CNOT6: variants seen among roughly 807,000 people sequenced by gnomAD.
CNOT6 encodes CCR4-NOT transcription complex subunit 6, also known as carbon catabolite repression 4 protein.
In CNOT6, 12 loss-of-function variants were observed where a neutral mutation model predicts 61.2. That is an observed-to-expected ratio of 0.20 (90% CI 0.13 to 0.32). CNOT6 has a LOEUF of 0.32. CNOT6 is among the 10% of genes least tolerant of loss of function. The pLI is 1.00. For synonymous variants in CNOT6, 225 were observed against 240.6 expected (o/e 0.94, Z 0.60); for missense variants, 405 against 663.9 (o/e 0.61, Z 4.28).
At chr5:180,564,921 C>T (rs1214489374) in intron 6 of CNOT6, among the ~76,000 whole-genome samples, 178 bp downstream of exon 6, 1 of 152,218 alleles carries the variant, frequency 6.6e-6, no homozygotes, top group East Asian at 1.9e-4. Flanking sequence ...CTACATTGTG[C>T]TATATAGAAA....
intron 2 of CNOT6, among the ~76,000 whole-genome samples, chr5:180,535,855 TG>T (rs1758660091): frequency 6.6e-6 from 1 of 152,186 alleles, no homozygotes; most frequent in African/African-American, 2.4e-5. Context: ...TTCTGAGTGG[TG>T]TAAGATGGTA....
intron 2 of CNOT6, among the ~76,000 whole-genome samples, chr5:180,540,201 C>T (rs1010669105): frequency 6.6e-6 from 1 of 152,110 alleles, no homozygotes; most frequent in East Asian, 1.9e-4. Flanking sequence ...CTGTGGACAC[C>T]CTGTACTCAC....
At chr5:180,506,455 T>C (rs370790362) in intron 1 of CNOT6, among the ~76,000 whole-genome samples, 1 of 152,174 alleles carries the variant, frequency 6.6e-6, no homozygotes, top group Admixed American at 6.5e-5. Context: ...AGATAATGCA[T>C]GTAAAGTGCT....
intron 3 of CNOT6, 106 bp downstream of exon 3, chr5:180,550,223 G>A (rs907844213): frequency 1.6e-5 from 13 of 804,320 alleles, no homozygotes; most frequent in Non-Finnish European, 2.4e-5. Flanking sequence ...GGGAGGCTGC[G>A]AGAGGATCAT....
chr5:180,536,242 G>T (rs1758692497), intron 2 of CNOT6, among the ~76,000 whole-genome samples: 1 of 151,616 alleles, frequency 6.6e-6, no homozygotes, highest in Non-Finnish European at 1.5e-5. Context: ...CTTGTGATCC[G>T]CCTGCCTTGG....
At chr5:180,537,435 G>A (rs188126831) in intron 2 of CNOT6, among the ~76,000 whole-genome samples, 2 of 151,798 alleles carry the variant, frequency 1.3e-5, no homozygotes, top group African/African-American at 2.4e-5. Context: ...CTTTGGTTAG[G>A]TGTGTGTTCA....
intron 1 of CNOT6, among the ~76,000 whole-genome samples, chr5:180,522,907 C>T (rs188464180): frequency 2.7e-4 from 41 of 152,264 alleles, no homozygotes; most frequent in African/African-American, 9.6e-4. Flanking sequence ...ATGTGTTTGC[C>T]CGCATTCTGT....
rs138484960 is a variant in CNOT6, at chr5:180,559,980, G to C, written c.386-4509G>C. ...TTTTTTTTTTTTGAGACAGAGTCTC[G>C]CTCTGTTGCCCATGCTAGAGTGCAG... On this transcript the variant is annotated intron_variant, in intron 4 of 11. Coordinates refer to ENST00000261951, the MANE Select transcript of CNOT6 (RefSeq NM_001370472.1). Among the ~76,000 whole-genome samples, 417 of 145,660 alleles carry C rather than the reference G, an allele frequency of 2.9e-3. 3 individuals are homozygous for C. Among genetic ancestry groups the C allele is most frequent in the African/African-American group, 0.01 (404 of 39,244 alleles).
intron 2 of CNOT6, among the ~76,000 whole-genome samples, chr5:180,533,311 C>CATAT (rs1305701783): frequency 0.027 from 1,732 of 65,116 alleles, 35 homozygotes; most frequent in East Asian, 0.055. Flanking sequence ...TGGATGAAAA[C>CATAT]CTATATATAT....
chr5:180,531,317 C>T (rs1411946354), intron 2 of CNOT6, among the ~76,000 whole-genome samples: 5 of 151,494 alleles, frequency 3.3e-5, no homozygotes, highest in African/African-American at 7.3e-5. Flanking sequence ...GGGTAGCGGT[C>T]GGGCAGAGAC....
intron 4 of CNOT6, among the ~76,000 whole-genome samples, chr5:180,559,760 T>C (rs964342807): frequency 1.3e-5 from 2 of 152,164 alleles, no homozygotes; most frequent in African/African-American, 4.8e-5. Flanking sequence ...TGTGTCTGTT[T>C]GTATAGATGT....
intron 1 of CNOT6, among the ~76,000 whole-genome samples, chr5:180,518,279 G>A (rs966707239): frequency 5.9e-5 from 9 of 152,034 alleles, no homozygotes; most frequent in Non-Finnish European, 1.2e-4. Flanking sequence ...TAGCTTTTTG[G>A]CACTGAAAGA....
At chr5:180,535,109 G>A (rs1210816072) in intron 2 of CNOT6, among the ~76,000 whole-genome samples, 3 of 152,238 alleles carry the variant, frequency 2.0e-5, no homozygotes, top group East Asian at 1.9e-4. Context: ...CCCTGGCGAC[G>A]CAGAAGATGT....
At chr5:180,541,068 G>A (rs1170608324) in intron 2 of CNOT6, among the ~76,000 whole-genome samples, 4 of 151,924 alleles carry the variant, frequency 2.6e-5, no homozygotes, top group Non-Finnish European at 5.9e-5. Flanking sequence ...TTTTTGCTGA[G>A]CATAGAAATC....
rs559989254 is a variant in CNOT6, at chr5:180,551,827, A to C, written c.300-1559A>C. Among the ~76,000 whole-genome samples, 282 of 149,526 alleles carry C rather than the reference A, an allele frequency of 1.9e-3. 1 individual carries two copies. Among genetic ancestry groups the C allele is most frequent in the African/African-American group, 6.4e-3 (262 of 40,834 alleles). On this transcript the variant is annotated intron_variant, in intron 3 of 11. Transcript: ENST00000261951. ...TTGAGTTTGTTCTATGACTGTTTTT[A>C]GTCCTCTGAAACAAATTTACTTGAA...
intron 1 of CNOT6, among the ~76,000 whole-genome samples, chr5:180,519,961 G>A (rs983455698): frequency 6.6e-6 from 1 of 151,822 alleles, no homozygotes; most frequent in Non-Finnish European, 1.5e-5. Context: ...AGCCCCTTGA[G>A]TAGCTGGAAT....
At chr5:180,547,395 C>T (rs1179197981) in intron 2 of CNOT6, among the ~76,000 whole-genome samples, 2 of 152,034 alleles carry the variant, frequency 1.3e-5, no homozygotes, top group Non-Finnish European at 2.9e-5. Flanking sequence ...TGGCGGGCGC[C>T]TGTAATCCCA....
intron 2 of CNOT6, among the ~76,000 whole-genome samples, chr5:180,542,687 T>C (rs1006012663): frequency 6.6e-6 from 1 of 152,232 alleles, no homozygotes; most frequent in African/African-American, 2.4e-5. Flanking sequence ...AACACATAAA[T>C]TGATTTCTCT....
chr5:180,498,808 C>A (rs963743148), intron 1 of CNOT6, among the ~76,000 whole-genome samples: 12 of 152,128 alleles, frequency 7.9e-5, no homozygotes, highest in African/African-American at 2.7e-4. Context: ...AATCTGTTTT[C>A]TTCTTTTTTT....
Sources: allele counts gnomAD v4.1 joint callset (sites outside exome capture counted in the v4.1 genomes callset), GRCh38; gene constraint gnomAD v4.1.1; transcripts MANE v1.5; gene names NCBI Gene and HGNC (gene_info 2026-07-23, HGNC 2026-07-21).